Variants in SPON1 observed in about 807,000 individuals in gnomAD.
The protein encoded by SPON1 is spondin-1.
Under a neutral mutation model 111.7 loss-of-function variants are expected in SPON1, and 52 were observed. The observed-to-expected ratio is 0.47, with a 90% confidence interval of 0.37 to 0.59. The LOEUF (loss-of-function observed/expected upper bound fraction) is 0.59. Ranked by LOEUF, SPON1 falls within the 20% of genes least tolerant of loss-of-function variation. SPON1 has a pLI of 0.00. For synonymous variants in SPON1, 410 were observed against 395.8 expected (o/e 1.04, Z -0.43); for missense variants, 957 against 1,068.5 (o/e 0.90, Z 1.46).
At position 14,148,058 on chromosome 11, in the gene SPON1, T is replaced by C. The variant is rs73424149; in HGVS notation, c.825+12490T>C. Among the ~76,000 whole-genome samples the C allele has an allele frequency of 8.2e-3, 1,251 of 152,186 alleles. 14 individuals carry two copies. Among genetic ancestry groups the C allele is most frequent in the African/African-American group, 0.028 (1,167 of 41,528 alleles). On this transcript the variant is annotated intron_variant, in intron 6 of 15. Transcript: ENST00000576479. ...ACACTGGAGAGCGCTTTCTTCTGAC[T>C]CAGCAGTTCAGTCAGAAATTTATAT...
intron 2 of SPON1, among the ~76,000 whole-genome samples, chr11:13,983,773 T>C (rs34260174): frequency 4.6e-5 from 7 of 152,174 alleles, no homozygotes; most frequent in African/African-American, 1.4e-4. Flanking sequence ...CAGATTTCCA[T>C]TGTTCTGGAA....
At chr11:14,226,969 C>T (rs1554938210) in intron 6 of SPON1, among the ~76,000 whole-genome samples, 1 of 152,118 alleles carries the variant, frequency 6.6e-6, no homozygotes, top group Non-Finnish European at 1.5e-5. Context: ...TCTCCCTGTG[C>T]CTCTGTCTTG....
At chr11:14,234,984 G>A (rs1462681180) in intron 6 of SPON1, among the ~76,000 whole-genome samples, 2 of 152,134 alleles carry the variant, frequency 1.3e-5, no homozygotes, top group East Asian at 1.9e-4. Context: ...ACTTATGAAC[G>A]GCCAGCCAGC....
chr11:14,075,593 G>A (rs997470391), intron 4 of SPON1, among the ~76,000 whole-genome samples, 175 bp downstream of exon 4: 1 of 152,098 alleles, frequency 6.6e-6, no homozygotes, highest in Non-Finnish European at 1.5e-5. Flanking sequence ...AATTGGATCC[G>A]CCTTAAGCTC....
rs140930226 is a variant in SPON1, at chr11:14,208,196, C to T, written c.826-35136C>T. 1.1e-4 allele frequency among the ~76,000 whole-genome samples: 16 copies of T among 152,002 alleles called. No homozygotes were observed. In the East Asian group the frequency reaches 2.7e-3, roughly 26 times the overall value. Reference sequence around the variant, plus strand: ...TAGAGGGGAACAATGCATGCTGGGGCCTATTGGAAGGTGAAAGGTGGGAGG... The same window carrying T: ...TAGAGGGGAACAATGCATGCTGGGGTCTATTGGAAGGTGAAAGGTGGGAGG... On this transcript the variant is annotated intron_variant, in intron 6 of 15. Transcript: ENST00000576479.
Position 14,133,050 on chromosome 11 carries a change from CTG to C in SPON1, c.677-2368_677-2367del, listed in dbSNP as rs562184832. Among the ~76,000 whole-genome samples the C allele has an allele frequency of 3.0e-4, 45 of 152,300 alleles. 1 individual carries two copies. The highest frequency in any genetic ancestry group is 1.0e-3 in the African/African-American group (43 of 41,572). The stretch of plus-strand genomic sequence containing the variant: ...AGTGGTAATGCTAGGATTTCAGTCC[CTG>C]TCTGCTGGCTCTAAGACCAATGCCT... On this transcript the variant is annotated intron_variant, in intron 5 of 15. Transcript: ENST00000576479.
intron 6 of SPON1, among the ~76,000 whole-genome samples, chr11:14,184,816 C>T (rs1218182470): frequency 6.6e-6 from 1 of 152,176 alleles, no homozygotes; most frequent in Non-Finnish European, 1.5e-5. Context: ...GCCTATTTGC[C>T]CCTCCAGCCT....
At chr11:14,234,965 A>G (rs1009633654) in intron 6 of SPON1, among the ~76,000 whole-genome samples, 4 of 152,234 alleles carry the variant, frequency 2.6e-5, no homozygotes, top group Non-Finnish European at 4.4e-5. Flanking sequence ...AACGGGGCAT[A>G]GAATGAGCAC....
intron 6 of SPON1, among the ~76,000 whole-genome samples, chr11:14,155,471 GCCACACACATCTA>G (rs1481155495): frequency 2.0e-5 from 3 of 150,898 alleles, no homozygotes; most frequent in Admixed American, 6.6e-5. Flanking sequence ...CAGGGGAGGT[GCCACACACATCTA>G]TTTTTTTATT....
chr11:14,189,698 T>G (rs1465251761), intron 6 of SPON1, among the ~76,000 whole-genome samples: 2 of 152,190 alleles, frequency 1.3e-5, no homozygotes, highest in Non-Finnish European at 2.9e-5. Context: ...CAAAATTTGT[T>G]CATCTACATA....
At chr11:14,035,282 C>T (rs1350579000) in intron 2 of SPON1, among the ~76,000 whole-genome samples, 1 of 152,128 alleles carries the variant, frequency 6.6e-6, no homozygotes, top group African/African-American at 2.4e-5. Flanking sequence ...GTAGGGCTGA[C>T]CTCAAGCCCT....
At chr11:14,064,714 A>G (rs1848819055) in intron 3 of SPON1, among the ~76,000 whole-genome samples, 1 of 152,142 alleles carries the variant, frequency 6.6e-6, no homozygotes, top group Admixed American at 6.5e-5. Flanking sequence ...AATGTGTGAA[A>G]GAAAGTGATA....
At chr11:13,975,265 C>A (rs1554908955) in intron 1 of SPON1, among the ~76,000 whole-genome samples, 1 of 151,740 alleles carries the variant, frequency 6.6e-6, no homozygotes, top group Non-Finnish European at 1.5e-5. Flanking sequence ...CTAGTGTAGA[C>A]CAAATGCTCA....
intron 6 of SPON1, among the ~76,000 whole-genome samples, chr11:14,222,847 G>C (rs553088030): frequency 3.3e-5 from 5 of 152,180 alleles, no homozygotes; most frequent in African/African-American, 7.2e-5. Flanking sequence ...CTACCAATGT[G>C]ATGCCACTGA....
chr11:14,160,727 T>A (rs868952646), intron 6 of SPON1, among the ~76,000 whole-genome samples: 5 of 12,770 alleles, frequency 3.9e-4, no homozygotes, highest in African/African-American at 2.4e-3. Context: ...ATTTATATAT[T>A]TATATATATT....
intron 2 of SPON1, among the ~76,000 whole-genome samples, chr11:13,996,689 T>C (rs1272268385): frequency 6.6e-6 from 1 of 151,268 alleles, no homozygotes; most frequent in East Asian, 1.9e-4. Flanking sequence ...TTATATATTA[T>C]ATAGAAAACA....
intron 6 of SPON1, among the ~76,000 whole-genome samples, chr11:14,180,408 C>T (rs1848224714): frequency 6.6e-6 from 1 of 152,228 alleles, no homozygotes; most frequent in Non-Finnish European, 1.5e-5. Context: ...AGAACTTCCT[C>T]CGCAGATATT....
intron 2 of SPON1, among the ~76,000 whole-genome samples, chr11:14,001,369 A>G (rs1848317606): frequency 6.6e-6 from 1 of 152,180 alleles, no homozygotes; most frequent in Non-Finnish European, 1.5e-5. Context: ...AGCTTGAGGC[A>G]TGGGAAGGGA....
At chr11:14,004,160 CACACACACAT>C (rs1848341400) in intron 2 of SPON1, among the ~76,000 whole-genome samples, 1 of 152,078 alleles carries the variant, frequency 6.6e-6, no homozygotes, top group East Asian at 1.9e-4. Flanking sequence ...CACAGACACA[CACACACACAT>C]ACACACACAC....
Sources: allele counts gnomAD v4.1 joint callset (sites outside exome capture counted in the v4.1 genomes callset), GRCh38; gene constraint gnomAD v4.1.1; transcripts MANE v1.5; gene names NCBI Gene and HGNC (gene_info 2026-07-23, HGNC 2026-07-21).